Variants in TMEM182 observed in about 807,000 individuals in gnomAD.
TMEM182 encodes transmembrane protein 182.
In TMEM182, 20 loss-of-function variants were observed where a neutral mutation model predicts 26.8. The observed-to-expected ratio is 0.75, with a 90% CI of 0.53 to 1.09. The LOEUF (loss-of-function observed/expected upper bound fraction) is 1.09. Among genes scored for constraint, TMEM182 ranks in the 50% least tolerant of loss-of-function variants. The pLI is 0.00. For missense variants in TMEM182, 277 were observed against 275.5 expected, an observed-to-expected ratio of 1.01 and a Z score of -0.04; for synonymous variants, 109 against 102.2, an observed-to-expected ratio of 1.07 and a Z score of -0.40.
At chr2:102,797,649 A>C (rs1370460818) in intron 3 of TMEM182, 5 of 514,038 alleles carry the variant, frequency 9.7e-6, no homozygotes, top group Non-Finnish European at 1.7e-5. Flanking sequence ...GAGCAAGAGG[A>C]GTTGATTGAA....
chr2:102,759,637 A>G (rs1680148268), upstream of TMEM182, among the ~76,000 whole-genome samples: 1 of 152,236 alleles, frequency 6.6e-6, no homozygotes. Context: ...CTACTATAAC[A>G]AATTGTCCCC....
chr2:102,838,444 G>A (rs1262928387), intron 3 of TMEM182, among the ~76,000 whole-genome samples: 1 of 152,210 alleles, frequency 6.6e-6, no homozygotes, highest in Non-Finnish European at 1.5e-5. Flanking sequence ...GTGAAGAGGG[G>A]GAAGGGCTGA....
At chr2:102,829,215 A>C (rs1214986738) in intron 3 of TMEM182, among the ~76,000 whole-genome samples, 1 of 152,136 alleles carries the variant, frequency 6.6e-6, no homozygotes, top group African/African-American at 2.4e-5. Flanking sequence ...GATGGGCTAT[A>C]CGTGGGCAGA....
intron 3 of TMEM182, among the ~76,000 whole-genome samples, chr2:102,840,286 A>G (rs927949644): frequency 2.2e-4 from 34 of 152,198 alleles, no homozygotes; most frequent in African/African-American, 8.2e-4. Flanking sequence ...TAACTCTGGG[A>G]AAAGGTGTGT....
chr2:102,803,426 A>G (rs1288883761), intron 4 of TMEM182, among the ~76,000 whole-genome samples: 1 of 152,194 alleles, frequency 6.6e-6, no homozygotes, highest in African/African-American at 2.4e-5. Flanking sequence ...AAAGGTTAGT[A>G]GATATAAAGG....
In TMEM182 at chr2:102,816,113, A is replaced by G. The variant is rs1260029605; in HGVS notation, c.*1145A>G. ...AGATGATTCTGTATTATTCAGTAGC[A>G]TAGACATTTTGCATATCAAAGATGT... On this transcript the variant is annotated 3_prime_UTR_variant, in exon 5 of 5. Transcript: ENST00000412401. The G allele has an allele frequency of 2.0e-6, 2 of 985,316 alleles. No homozygotes were observed. The highest frequency in any genetic ancestry group is 6.1e-5 in the Admixed American group (1 of 16,266). 61.0% of individuals were successfully genotyped at this position (985,316 alleles called of 1,614,324 possible).
intron 1 of TMEM182, 47 bp from the exon 2 acceptor site, chr2:102,762,540 T>C (rs1680255200): frequency 6.3e-7 from 1 of 1,578,532 alleles, no homozygotes; most frequent in East Asian, 2.2e-5. Flanking sequence ...TGATTTTGAT[T>C]ATATTTCTTG....
rs2104763358 is a variant in TMEM182 at position 102,817,436 on chromosome 2, G to C, written c.*2468G>C. 1.0e-6 allele frequency: 1 copy of C among 985,330 alleles called. No homozygotes were observed. The highest frequency in any genetic ancestry group is 5.2e-4 in the Middle Eastern group (1 of 1,914). The allele number at this position is 985,330 out of a possible 1,614,324, so 61.0% of individuals were successfully genotyped here. A position where few individuals can be genotyped will look rare whatever the true frequency, so the allele number is the denominator to read the frequency against. On this transcript the variant is annotated 3_prime_UTR_variant, in exon 5 of 5. Transcript: ENST00000412401. ...GTGAAAGCTATCATCTCTCCATATT[G>C]TATTTGTTCAGCTGGTTTAATTCAC...
At chr2:102,785,826 C>T (rs1318020276) in intron 3 of TMEM182, among the ~76,000 whole-genome samples, 1 of 152,098 alleles carries the variant, frequency 6.6e-6, no homozygotes, top group Non-Finnish European at 1.5e-5. Context: ...TGAGGCAAAT[C>T]ACCTAAAAAT....
chr2:102,782,274 C>T (rs1001733552), intron 3 of TMEM182, among the ~76,000 whole-genome samples: 7 of 150,824 alleles, frequency 4.6e-5, no homozygotes, highest in African/African-American at 1.5e-4. Flanking sequence ...TACAGTGAGC[C>T]GAGATAGTGC....
chr2:102,817,875 C>G (rs1282863430), downstream of TMEM182, among the ~76,000 whole-genome samples: 1 of 152,164 alleles, frequency 6.6e-6, no homozygotes, highest in Non-Finnish European at 1.5e-5. Flanking sequence ...TTGGGAACAG[C>G]AATCTATTAT....
intron 4 of TMEM182, among the ~76,000 whole-genome samples, chr2:102,804,569 G>T (rs548615845): frequency 6.6e-6 from 1 of 152,232 alleles, no homozygotes; most frequent in African/African-American, 2.4e-5. Flanking sequence ...ATGGGCATTT[G>T]GGTTGGATCC....
intron 1 of TMEM182, chr2:102,737,092 TGGA>T: frequency 2.4e-6 from 1 of 422,502 alleles, no homozygotes. Flanking sequence ...CCCCTATCGT[TGGA>T]GGACAGGAGG....
intron 3 of TMEM182, among the ~76,000 whole-genome samples, chr2:102,835,005 G>A (rs1308474645): frequency 6.6e-6 from 1 of 152,124 alleles, no homozygotes. Context: ...GGAAATTAAG[G>A]ATAATAATAG....
chr2:102,792,379 T>C (rs542932428), intron 3 of TMEM182, among the ~76,000 whole-genome samples: 5 of 152,204 alleles, frequency 3.3e-5, no homozygotes, highest in African/African-American at 4.8e-5. Flanking sequence ...CTTTCTGCAT[T>C]AGAAAACTAA....
intron 3 of TMEM182, among the ~76,000 whole-genome samples, chr2:102,840,868 C>G (rs529090250): frequency 2.0e-5 from 3 of 152,216 alleles, no homozygotes; most frequent in Non-Finnish European, 4.4e-5. Flanking sequence ...GTTTCCCCAT[C>G]ACTTCTCACA....
downstream of TMEM182, among the ~76,000 whole-genome samples, chr2:102,819,828 A>C (rs1278249447): frequency 2.0e-5 from 3 of 152,158 alleles, no homozygotes; most frequent in Admixed American, 6.5e-5. Context: ...TGCTTGTTGC[A>C]CTGGTGAGTG....
chr2:102,760,362 T>C (rs1573498685), upstream of TMEM182, among the ~76,000 whole-genome samples: 1 of 152,266 alleles, frequency 6.6e-6, no homozygotes, highest in South Asian at 2.1e-4. Flanking sequence ...AAGGACAGAA[T>C]AGAATAAATA....
At chr2:102,749,675 T>G (rs192903704) in intron 1 of TMEM182, among the ~76,000 whole-genome samples, 73 of 152,282 alleles carry the variant, frequency 4.8e-4, no homozygotes, top group African/African-American at 1.7e-3. Flanking sequence ...TACATAATTA[T>G]GTACAAAAGA....
Sources: gnomAD v4.1 joint callset for allele counts (sites outside exome capture counted in the v4.1 genomes callset) on GRCh38, gnomAD v4.1.1 for gene constraint, MANE v1.5 for transcripts, NCBI Gene and HGNC (gene_info 2026-07-23, HGNC 2026-07-21) for gene names.